The following HGF variants were observed in gnomAD, a reference collection of about 807,000 sequenced individuals.
HGF encodes hepatocyte growth factor, also known as fibroblast-derived tumor cytotoxic factor.
In HGF, 39 loss-of-function variants were observed where a neutral mutation model predicts 111.6. That is an observed-to-expected ratio of 0.35 (90% CI 0.27 to 0.46). The LOEUF (loss-of-function observed/expected upper bound fraction) is 0.46, where lower values mean the gene tolerates loss of function less well. Among genes scored for constraint, HGF ranks in the 20% least tolerant of loss-of-function variants. The pLI, the probability that HGF is intolerant of heterozygous loss-of-function variation, is 1.00. For synonymous variants in HGF, 285 were observed against 294.8 expected (o/e 0.97, Z 0.34); for missense variants, 735 against 910.5 (o/e 0.81, Z 2.48).
intron 1 of HGF, among the ~76,000 whole-genome samples, chr7:81,767,729 A>C (rs1453534121): frequency 6.6e-6 from 1 of 152,192 alleles, no homozygotes; most frequent in Non-Finnish European, 1.5e-5. Context: ...CTGGTTGTCA[A>C]CTTACAGTAT....
At position 81,701,729 on chromosome 7, in the gene HGF, T is replaced by C. The variant is rs1789284667; in HGVS notation, c.*852A>G. ...ACTATTACCCTCTTTCCTTTAAGAA[T>C]TAGAAACTACATGAAATAACTAGGA... On this transcript the variant is annotated 3_prime_UTR_variant, in exon 18 of 18. Coordinates refer to ENST00000222390, the MANE Select transcript of HGF (RefSeq NM_000601.6). The C allele has an allele frequency of 1.3e-5, 2 of 151,596 alleles. No individual in the cohort carries two copies. Among genetic ancestry groups the C allele is most frequent in the Non-Finnish European group, 3.0e-5 (2 of 67,704 alleles). 9.4% of individuals were successfully genotyped at this position (151,596 alleles called of 1,614,324 possible).
intron 5 of HGF, among the ~76,000 whole-genome samples, chr7:81,749,733 G>A (rs1483585980): frequency 1.3e-5 from 2 of 151,694 alleles, no homozygotes; most frequent in Non-Finnish European, 2.9e-5. Flanking sequence ...TTTTCTTTTG[G>A]AATATTGACT....
intron 9 of HGF, 123 bp from the exon 10 acceptor site, chr7:81,720,970 G>A: frequency 1.5e-6 from 1 of 677,518 alleles, no homozygotes. Context: ...AAAGGGCTGG[G>A]TGCGGTGGCT....
chr7:81,704,767 C>A (rs1405146634), intron 17 of HGF, among the ~76,000 whole-genome samples: 1 of 151,752 alleles, frequency 6.6e-6, no homozygotes, highest in African/African-American at 2.4e-5. Flanking sequence ...CTCTCACATT[C>A]AAAATCTAAC....
chr7:81,726,136 T>G (rs1790002545), intron 8 of HGF, 119 bp from the exon 9 acceptor site: 1 of 1,000,948 alleles, frequency 1.0e-6, no homozygotes, highest in Non-Finnish European at 1.6e-6. Context: ...TTCTAACTTT[T>G]TGGACTCAGA....
chr7:81,767,795 GAATA>G (rs1458986955), intron 1 of HGF, among the ~76,000 whole-genome samples: 2 of 151,832 alleles, frequency 1.3e-5, no homozygotes, highest in African/African-American at 2.4e-5. Context: ...TAAATTCATA[GAATA>G]AATAATTATA....
chr7:81,726,413 T>C (rs1790012299), intron 8 of HGF, among the ~76,000 whole-genome samples: 1 of 152,206 alleles, frequency 6.6e-6, no homozygotes, highest in African/African-American at 2.4e-5. Flanking sequence ...ACAACACATA[T>C]CTCTCTTTGT....
Position 81,728,045 on chromosome 7 carries a change from T to G in HGF, c.1040+1560A>C, listed in dbSNP as rs375300676. Among the ~76,000 whole-genome samples, 6 of 152,330 alleles carry G rather than the reference T, an allele frequency of 3.9e-5. No homozygotes were observed. In the East Asian group the frequency reaches 1.2e-3, roughly 29 times the overall value. On this transcript the variant is annotated intron_variant, in intron 8 of 17. Coordinates refer to ENST00000222390, the MANE Select transcript of HGF (RefSeq NM_000601.6). ...AAGATTGCCATTTTTAAGGTCTCAGTACTGGGGCAAGTGGGCAAGTAATAT... is the reference window on the plus strand; with the variant it reads ...AAGATTGCCATTTTTAAGGTCTCAGGACTGGGGCAAGTGGGCAAGTAATAT...
intron 13 of HGF, among the ~76,000 whole-genome samples, chr7:81,709,618 A>G (rs1789519174): frequency 6.6e-6 from 1 of 152,164 alleles, no homozygotes; most frequent in Admixed American, 6.6e-5. Context: ...ATCCCCACTG[A>G]TTATTATAAT....
intron 8 of HGF, among the ~76,000 whole-genome samples, chr7:81,726,916 C>G (rs1790027240): frequency 6.6e-6 from 1 of 151,634 alleles, no homozygotes; most frequent in Non-Finnish European, 1.5e-5. Flanking sequence ...TCATAGATTC[C>G]TTTTTAATAA....
At position 81,762,824 on chromosome 7, in the gene HGF, G is replaced by A. The variant is rs150267054; in HGVS notation, c.137C>T (p.Ala46Val). The change falls in exon 2 of 18, where the codon GCA (alanine) becomes GTA (valine). Residue 46 changes from alanine to valine, a missense_variant. By Grantham distance (64) the Ala-to-Val change is moderately conservative. This residue lies in a region of HGF where 553 missense variants were observed against 685.6 expected (regional missense o/e 0.81). Transcript: ENST00000222390. Reference sequence around the variant, plus strand: ...ATCTATTTTGATTAGGGTAGTCTTTGCTGATTTTTTGAATTCATGAATTGT... The same window carrying A: ...ATCTATTTTGATTAGGGTAGTCTTTACTGATTTTTTGAATTCATGAATTGT... ...RNTIHEFKKS[A>V]KTTLIKIDPA... 1.8e-3 allele frequency: 2,834 copies of A among 1,596,858 alleles called. 4 individuals are homozygous for A. Among genetic ancestry groups the A allele is most frequent in the Non-Finnish European group, 2.0e-3 (2,333 of 1,164,612 alleles).
At chr7:81,718,402 T>G (rs1024178700) in intron 10 of HGF, among the ~76,000 whole-genome samples, 8 of 152,162 alleles carry the variant, frequency 5.3e-5, no homozygotes, top group African/African-American at 1.7e-4. Context: ...GAAAACTAAT[T>G]GGTGTAATGT....
At position 81,762,907 on chromosome 7, in the gene HGF, T is replaced by G. The variant is rs774350108; in HGVS notation, c.89-35A>C. 17 of 1,255,986 alleles carry G rather than the reference T, an allele frequency of 1.4e-5. 1 individual carries two copies. In the East Asian group the frequency reaches 4.1e-4, roughly 31 times the overall value. 77.8% of individuals were successfully genotyped at this position (1,255,986 alleles called of 1,614,324 possible). A position where few individuals can be genotyped will look rare whatever the true frequency, so the allele number is the denominator to read the frequency against. ...ACAAAATGTTTTAAAAAAATAAACATTGGAGAAATGTTTTTAAGGCTCATA... is the reference window on the plus strand; with the variant it reads ...ACAAAATGTTTTAAAAAAATAAACAGTGGAGAAATGTTTTTAAGGCTCATA... On this transcript the variant is annotated intron_variant, in intron 1 of 17. Coordinates refer to ENST00000222390, the MANE Select transcript of HGF (RefSeq NM_000601.6).
chr7:81,716,037 TA>T, intron 11 of HGF, among the ~76,000 whole-genome samples: 1 of 152,294 alleles, frequency 6.6e-6, no homozygotes, highest in South Asian at 2.1e-4. Context: ...CACAGCTTTA[TA>T]AAAAGGCTTT....
Position 81,717,216 on chromosome 7 carries a change from C to A in HGF, c.1405+16G>T, listed in dbSNP as rs770107913. On this transcript the variant is annotated intron_variant, in intron 11 of 17. Transcript: ENST00000222390. ...TTAAAATATTTCACAAGACACCAAT[C>A]CCTAACTGTACTTACAACGAGAAAT... The A allele has an allele frequency of 6.2e-7, 1 of 1,611,286 alleles. No homozygotes were observed. The highest frequency in any genetic ancestry group is 1.1e-5 in the South Asian group (1 of 91,032).
Position 81,769,881 on chromosome 7 carries a change from A to G in HGF, c.88+3T>C. 1 of 1,559,836 alleles carries G rather than the reference A, an allele frequency of 6.4e-7. No homozygotes were observed. Among genetic ancestry groups the G allele is most frequent in the Non-Finnish European group, 8.7e-7 (1 of 1,150,200 alleles). On this transcript the variant is annotated splice_donor_region_variant and intron_variant, in intron 1 of 17. Coordinates refer to ENST00000222390, the MANE Select transcript of HGF (RefSeq NM_000601.6). Reference sequence around the variant, plus strand: ...AATAATGAAGAAGAAGAAGGGAACTAACCTGCATAGGGGATGGCGATGGGG... The same window carrying G: ...AATAATGAAGAAGAAGAAGGGAACTGACCTGCATAGGGGATGGCGATGGGG...
intron 1 of HGF, among the ~76,000 whole-genome samples, chr7:81,764,302 T>C (rs1252377539): frequency 6.6e-6 from 1 of 152,028 alleles, no homozygotes; most frequent in East Asian, 1.9e-4. Context: ...AAACACGAGG[T>C]CCTCTAAATT....
chr7:81,763,702 G>A (rs1789215881), intron 1 of HGF, among the ~76,000 whole-genome samples: 1 of 152,118 alleles, frequency 6.6e-6, no homozygotes. Flanking sequence ...GCCCCAATCT[G>A]TTAGTGATCA....
At chr7:81,751,652 T>C in intron 5 of HGF, 1 of 1,001,318 alleles carries the variant, frequency 1.0e-6, no homozygotes, top group South Asian at 4.4e-5. Flanking sequence ...CAGTGATCCC[T>C]TCTTATATTG....
Sources: gnomAD v4.1 joint callset for allele counts (sites outside exome capture counted in the v4.1 genomes callset) on GRCh38, gnomAD v4.1.1 for gene constraint, gnomAD v4.1.1 regional missense constraint, MANE v1.5 for transcripts, NCBI Gene and HGNC (gene_info 2026-07-23, HGNC 2026-07-21) for gene names.